SORCS2: variants seen among roughly 807,000 people sequenced by gnomAD.
SORCS2 encodes the protein sortilin related VPS10 domain containing receptor 2, also known as VPS10 domain-containing receptor SorCS2.
A neutral mutation model predicts 141.6 loss-of-function variants in SORCS2; 100 were observed. The ratio of observed to expected loss-of-function variants is 0.71; its 90% CI spans 0.60 to 0.83. SORCS2 has a LOEUF of 0.83. Ranked by LOEUF, SORCS2 falls within the 40% of genes least tolerant of loss-of-function variation. SORCS2 has a pLI of 0.00. For synonymous variants in SORCS2, 789 were observed against 676.9 expected (o/e 1.17, Z -2.57); for missense variants, 1,646 against 1,560.2 (o/e 1.05, Z -0.93).
At chr4:7,637,702 T>C (rs1168772918) in intron 3 of SORCS2, among the ~76,000 whole-genome samples, 2 of 149,096 alleles carry the variant, frequency 1.3e-5, no homozygotes, top group East Asian at 4.0e-4. Flanking sequence ...CACTCATGAA[T>C]GAATGAATGA....
rs1239423804 is a variant in SORCS2, at chr4:7,568,757, T to C, written c.648+37128T>C. Among the ~76,000 whole-genome samples the C allele has an allele frequency of 3.3e-5, 5 of 152,364 alleles. No individual in the cohort carries two copies. In the South Asian group the frequency reaches 8.3e-4, roughly 25 times the overall value. ...ATGGCTAGGATGCTCAACCCACAGTTTGGGAACCATAGTGCTATCCAGTAG... is the reference window on the plus strand; with the variant it reads ...ATGGCTAGGATGCTCAACCCACAGTCTGGGAACCATAGTGCTATCCAGTAG... On this transcript the variant is annotated intron_variant, in intron 3 of 26. Transcript: ENST00000507866.
At chr4:7,476,022 C>T (rs1344901752) in intron 2 of SORCS2, among the ~76,000 whole-genome samples, 1 of 152,096 alleles carries the variant, frequency 6.6e-6, no homozygotes, top group Non-Finnish European at 1.5e-5. Context: ...TGGGCCCAAG[C>T]GGAAGGAAGA....
chr4:7,592,564 G>A (rs1157172696), intron 3 of SORCS2, among the ~76,000 whole-genome samples: 1 of 152,206 alleles, frequency 6.6e-6, no homozygotes, highest in Non-Finnish European at 1.5e-5. Flanking sequence ...GTCACTTCAG[G>A]CTAGGACCAT....
At chr4:7,226,096 A>G (rs891816585) in intron 1 of SORCS2, among the ~76,000 whole-genome samples, 2 of 152,122 alleles carry the variant, frequency 1.3e-5, no homozygotes, top group Non-Finnish European at 2.9e-5. Context: ...CAGCCTCTAT[A>G]GCCTGGGGGC....
At chr4:7,706,522 G>A (rs1016937689) in intron 14 of SORCS2, among the ~76,000 whole-genome samples, 1 of 142,706 alleles carries the variant, frequency 7.0e-6, no homozygotes, top group Non-Finnish European at 1.5e-5. Flanking sequence ...GGATGAGGCT[G>A]GGCTCTGTCT....
Position 7,559,452 on chromosome 4 carries a change from C to T in SORCS2, c.648+27823C>T, listed in dbSNP as rs568270961. 1.2e-3 allele frequency among the ~76,000 whole-genome samples: 176 copies of T among 152,264 alleles called. 1 individual carries two copies. Among genetic ancestry groups the T allele is most frequent in the African/African-American group, 3.9e-3 (160 of 41,546 alleles). On this transcript the variant is annotated intron_variant, in intron 3 of 26. Coordinates refer to ENST00000507866, the MANE Select transcript of SORCS2 (RefSeq NM_020777.3). ...CTAGCTGAGAAATTATGCAGGATGT[C>T]GTGGAGGCCGACCCCGTTGGTGGGT...
chr4:7,428,827 C>T (rs990453636), intron 2 of SORCS2, among the ~76,000 whole-genome samples: 1 of 151,970 alleles, frequency 6.6e-6, no homozygotes, highest in Non-Finnish European at 1.5e-5. Context: ...TGAGCTGGCC[C>T]GGACTTAGAT....
At chr4:7,599,231 CCCCTTCTG>C (rs1717491146) in intron 3 of SORCS2, among the ~76,000 whole-genome samples, 1 of 152,160 alleles carries the variant, frequency 6.6e-6, no homozygotes, top group Admixed American at 6.5e-5. Context: ...CCCCAGAAGG[CCCCTTCTG>C]CCCTTCAGCC....
intron 3 of SORCS2, among the ~76,000 whole-genome samples, chr4:7,569,403 TTGG>T (rs1715230476): frequency 1.3e-5 from 2 of 152,082 alleles, no homozygotes; most frequent in Non-Finnish European, 2.9e-5. Flanking sequence ...TCCCAGCTAC[TTGG>T]GAGGCTGGGG....
rs533433012 is a variant in SORCS2, at chr4:7,286,611, G to A, written c.480+93485G>A. ...CCCAGGCCAGCCCCCCGTATCTTAC[G>A]GATGGAGGACACAGGCCCAGGGAGG... On this transcript the variant is annotated intron_variant, in intron 1 of 26. Coordinates refer to ENST00000507866, the MANE Select transcript of SORCS2 (RefSeq NM_020777.3). This position sits in a 1 kb window ranked among gnomAD's most constrained non-coding sequence, Gnocchi z 4.1. Among the ~76,000 whole-genome samples the A allele has an allele frequency of 5.9e-5, 9 of 152,340 alleles. No homozygotes were observed. Among genetic ancestry groups the A allele is most frequent in the East Asian group, 1.9e-4 (1 of 5,184 alleles).
At position 7,740,978 on chromosome 4, in the gene SORCS2, G is replaced by A. The variant is rs75369682; in HGVS notation, c.*714G>A. 2.5e-4 allele frequency: 99 copies of A among 398,424 alleles called. No individual in the cohort carries two copies. In the East Asian group the frequency reaches 3.4e-3, roughly 14 times the overall value. The allele number at this position is 398,424 out of a possible 1,614,324, so 24.7% of individuals were successfully genotyped here. A position where few individuals can be genotyped will look rare whatever the true frequency, so the allele number is the denominator to read the frequency against. Reference sequence around the variant, plus strand: ...GTCTCCTCTGCCCAGAGGGGCAGCAGCTCTCCCTGGTTCTCCCCAGGGCAG... The same window carrying A: ...GTCTCCTCTGCCCAGAGGGGCAGCAACTCTCCCTGGTTCTCCCCAGGGCAG... On this transcript the variant is annotated 3_prime_UTR_variant, in exon 27 of 27. Coordinates refer to ENST00000507866, the MANE Select transcript of SORCS2 (RefSeq NM_020777.3).
chr4:7,523,120 C>T (rs971242834), intron 2 of SORCS2, among the ~76,000 whole-genome samples: 15 of 151,614 alleles, frequency 9.9e-5, no homozygotes, highest in Admixed American at 8.5e-4. Flanking sequence ...CCTCTGCCTC[C>T]TCCCTTTCTT....
intron 1 of SORCS2, among the ~76,000 whole-genome samples, chr4:7,292,698 G>C (rs1387881768): frequency 6.6e-6 from 1 of 152,170 alleles, no homozygotes; most frequent in African/African-American, 2.4e-5. Flanking sequence ...TGTCCAGCTG[G>C]GATGGCTAGA....
chr4:7,306,916 C>A (rs534048198), intron 1 of SORCS2, among the ~76,000 whole-genome samples: 3 of 152,216 alleles, frequency 2.0e-5, no homozygotes, highest in Non-Finnish European at 4.4e-5. Flanking sequence ...GGTGACATTT[C>A]CATGCAGAGC....
intron 3 of SORCS2, among the ~76,000 whole-genome samples, chr4:7,557,472 T>C (rs930106734): frequency 3.9e-5 from 6 of 152,214 alleles, no homozygotes; most frequent in Non-Finnish European, 8.8e-5. Context: ...GACTGCAAAA[T>C]GTCCTAGCCA....
At chr4:7,722,730 C>T (rs144259406) in intron 18 of SORCS2, among the ~76,000 whole-genome samples, 11 of 152,314 alleles carry the variant, frequency 7.2e-5, no homozygotes, top group South Asian at 6.2e-4. Flanking sequence ...CTGAGGTTCC[C>T]GGTAGACGTG....
intron 1 of SORCS2, among the ~76,000 whole-genome samples, chr4:7,291,506 G>C (rs112152086): frequency 3.9e-5 from 6 of 152,292 alleles, no homozygotes; most frequent in African/African-American, 1.4e-4. Flanking sequence ...CCCTTCCTGG[G>C]AGAGAGAGAT....
In SORCS2 at chr4:7,388,963, A is replaced by C. The variant is rs186006232; in HGVS notation, c.481-7325A>C. Among the ~76,000 whole-genome samples, 3 of 152,328 alleles carry C rather than the reference A, an allele frequency of 2.0e-5. No individual in the cohort carries two copies. In the East Asian group the frequency reaches 5.8e-4, roughly 29 times the overall value. ...GCATCCCTCATTTCCCATGCACAGC[A>C]CTTCGATGGAATAGCTTCCCTGAAA... On this transcript the variant is annotated intron_variant, in intron 1 of 26. Coordinates refer to ENST00000507866, the MANE Select transcript of SORCS2 (RefSeq NM_020777.3).
chr4:7,679,554 G>C (rs1723381426), intron 9 of SORCS2, among the ~76,000 whole-genome samples: 2 of 152,356 alleles, frequency 1.3e-5, no homozygotes, highest in South Asian at 4.1e-4. Flanking sequence ...CAGGCACACA[G>C]AGAGGCCCCA....
Sources: gnomAD v4.1 joint callset for allele counts (sites outside exome capture counted in the v4.1 genomes callset) on GRCh38, gnomAD v4.1.1 for gene constraint, Gnocchi (gnomAD v3.1) non-coding constraint, MANE v1.5 for transcripts, NCBI Gene and HGNC (gene_info 2026-07-23, HGNC 2026-07-21) for gene names.